The following MIA2 variants were observed in gnomAD, a reference collection of about 807,000 sequenced individuals.
The protein encoded by MIA2 is MIA SH3 domain ER export factor 2, also known as melanoma inhibitory activity protein 2.
In MIA2, 127 loss-of-function variants were observed where a neutral mutation model predicts 167.8. That is an observed-to-expected ratio of 0.76 (90% CI 0.66 to 0.88). The LOEUF (loss-of-function observed/expected upper bound fraction) is 0.88. Among genes scored for constraint, MIA2 ranks in the 40% least tolerant of loss-of-function variants. The pLI, the probability that MIA2 is intolerant of heterozygous loss-of-function variation, is 0.00. For missense variants in MIA2, 1,690 were observed against 1,624.7 expected, an observed-to-expected ratio of 1.04 and a Z score of -0.69; for synonymous variants, 552 against 541.9, an observed-to-expected ratio of 1.02 and a Z score of -0.26.
intron 24 of MIA2, among the ~76,000 whole-genome samples, chr14:39,323,203 T>C (rs1330539787): frequency 6.6e-6 from 1 of 152,166 alleles, no homozygotes; most frequent in Non-Finnish European, 1.5e-5. Context: ...TCCACCCTCA[T>C]TTTGCTTCAC....
Position 39,288,456 on chromosome 14 carries a change from TATATATATATATATATATA to T in MIA2, c.2131-2562_2131-2544del, listed in dbSNP as rs1566747612. On this transcript the variant is annotated intron_variant, in intron 9 of 28. Transcript: ENST00000640607. ...ACATATATATATATATATATATATA[TATATATATATATATATATA>T]TTTTTTTTTTTTTTTTTGAGACGGA... Among the ~76,000 whole-genome samples the T allele has an allele frequency of 5.0e-3, 71 of 14,274 alleles. 1 individual carries two copies. The highest frequency in any genetic ancestry group is 0.013 in the Middle Eastern group (1 of 76). 9.4% of individuals were successfully genotyped at this position (14,274 alleles called of 152,430 possible).
chr14:39,266,931 G>T, intron 6 of MIA2: 1 of 648,462 alleles, frequency 1.5e-6, no homozygotes, highest in Non-Finnish European at 1.9e-6. Flanking sequence ...TTGGGACATA[G>T]CCCTGGTCTT....
chr14:39,365,214 C>T (rs141464619), intron 23 of MIA2, among the ~76,000 whole-genome samples: 6,548 of 152,068 alleles, frequency 0.043, 187 homozygotes, highest in Non-Finnish European at 0.064. Flanking sequence ...TACAGGCATG[C>T]GCCACCAAGC....
intron 2 of MIA2, 104 bp downstream of exon 2, chr14:39,237,159 C>T (rs769518837): frequency 5.3e-5 from 68 of 1,286,688 alleles, no homozygotes; most frequent in Non-Finnish European, 6.7e-5. Flanking sequence ...CTGGCTCTGT[C>T]GCCCAGGCTG....
chr14:39,259,082 C>G (rs1230512136), intron 6 of MIA2, among the ~76,000 whole-genome samples: 2 of 152,264 alleles, frequency 1.3e-5, no homozygotes, highest in Non-Finnish European at 2.9e-5. Flanking sequence ...AGGAAGAAGT[C>G]TGCCCCTTAG....
At chr14:39,260,776 C>A (rs1370233401) in intron 6 of MIA2, among the ~76,000 whole-genome samples, 2 of 152,074 alleles carry the variant, frequency 1.3e-5, no homozygotes, top group Non-Finnish European at 1.5e-5. Flanking sequence ...TCATGAAGTC[C>A]TTGTCCATGC....
intron 6 of MIA2, 157 bp downstream of exon 6, chr14:39,253,328 A>C: frequency 1.0e-6 from 1 of 973,356 alleles, no homozygotes; most frequent in Non-Finnish European, 1.6e-6. Flanking sequence ...CTTTATATGA[A>C]TGTTTTGTCA....
chr14:39,285,249 C>G (rs901046243), intron 9 of MIA2, among the ~76,000 whole-genome samples: 1 of 152,122 alleles, frequency 6.6e-6, no homozygotes, highest in Non-Finnish European at 1.5e-5. Context: ...CTGGCCCGTT[C>G]TCAATGAGCT....
chr14:39,295,142 G>T (rs1014579637), intron 13 of MIA2, 113 bp downstream of exon 13: 10 of 740,370 alleles, frequency 1.4e-5, no homozygotes, highest in African/African-American at 8.9e-5. Flanking sequence ...TTGAGAGCAT[G>T]AGAGCAGGAC....
intron 9 of MIA2, among the ~76,000 whole-genome samples, chr14:39,281,220 C>T (rs1264349846): frequency 6.6e-6 from 1 of 152,064 alleles, no homozygotes; most frequent in African/African-American, 2.4e-5. Context: ...CCACCGTGCT[C>T]TACCTTTTAT....
At chr14:39,307,752 T>C (rs923203015) in intron 17 of MIA2, among the ~76,000 whole-genome samples, 4 of 152,046 alleles carry the variant, frequency 2.6e-5, no homozygotes, top group Admixed American at 6.6e-5. Context: ...ATGCACTCAA[T>C]GGAGCACTAT....
At chr14:39,327,622 C>T (rs947674021) in intron 25 of MIA2, among the ~76,000 whole-genome samples, 1 of 152,066 alleles carries the variant, frequency 6.6e-6, no homozygotes, top group East Asian at 1.9e-4. Flanking sequence ...TCCCCTGGCC[C>T]CCCACCCCCA....
At chr14:39,237,290 G>T in intron 2 of MIA2, 2 of 488,434 alleles carry the variant, frequency 4.1e-6, no homozygotes, top group African/African-American at 2.0e-5. Flanking sequence ...ACCACGCCCG[G>T]CTAATTTTTG....
intron 25 of MIA2, among the ~76,000 whole-genome samples, chr14:39,329,631 C>T (rs1262528813): frequency 1.4e-5 from 2 of 148,032 alleles, no homozygotes; most frequent in Non-Finnish European, 3.0e-5. Context: ...GAGATATGTT[C>T]CATCACTACC....
intron 23 of MIA2, among the ~76,000 whole-genome samples, chr14:39,368,680 CTTTTTTTTGTT>C (rs1256193191): frequency 9.7e-6 from 1 of 102,568 alleles, no homozygotes; most frequent in Non-Finnish European, 2.2e-5. Context: ...TTTTTCTTTT[CTTTTTTTTGTT>C]TTTTTTTTTG....
chr14:39,345,823 G>A (rs527358464), intron 25 of MIA2, 81 bp from the exon 26 acceptor site: 53 of 1,209,554 alleles, frequency 4.4e-5, no homozygotes, highest in Non-Finnish European at 5.7e-5. Flanking sequence ...CAGGTCAAAA[G>A]TGTAAGTTCA....
At position 39,314,836 on chromosome 14, in the gene MIA2, GTATA is replaced by G. The variant is rs57139462; in HGVS notation, c.3180+46_3180+49del. The G allele has an allele frequency of 4.6e-3, 4,564 of 996,274 alleles. 186 individuals carry two copies. Among genetic ancestry groups the G allele is most frequent in the Admixed American group, 6.7e-3 (254 of 38,142 alleles). The allele number at this position is 996,274 out of a possible 1,614,324, so 61.7% of individuals were successfully genotyped here. A position where few individuals can be genotyped will look rare whatever the true frequency, so the allele number is the denominator to read the frequency against. On this transcript the variant is annotated intron_variant, in intron 20 of 28. Coordinates refer to ENST00000640607, the MANE Select transcript of MIA2 (RefSeq NM_001329214.4). Reference sequence around the variant, plus strand: ...TGTGTGTGTGTGTGTGTGTGTGTGTGTATATATATATAATTTAAAACAATTCTGA... The same window carrying G: ...TGTGTGTGTGTGTGTGTGTGTGTGTGTATATATAATTTAAAACAATTCTGA...
At chr14:39,354,108 G>T (rs977195950), downstream of MIA2, among the ~76,000 whole-genome samples, 9 of 152,254 alleles carry the variant, frequency 5.9e-5, no homozygotes, top group African/African-American at 1.7e-4. Flanking sequence ...TCAAATGGTA[G>T]TTCTAGTTCT....
rs775359470 is a variant in MIA2 at position 39,253,133 on chromosome 14, A to T, written c.1849A>T (p.Asn617Tyr). Residue 617 changes from asparagine (N) to tyrosine (Y), a missense_variant, in exon 6 of 29, where the codon AAT becomes TAT. Coordinates refer to ENST00000640607, the MANE Select transcript of MIA2 (RefSeq NM_001329214.4). ...CCAAATTGATGTTTATGATTTCATG[A>T]ATTCTGCATTTTCACCAATTGTAAT... Reference protein sequence around the residue: ...LFQIDVYDFMNSAFSPIVILT... With the variant: ...LFQIDVYDFMYSAFSPIVILT... 1 of 1,608,644 alleles carries T rather than the reference A, an allele frequency of 6.2e-7. No individual in the cohort carries two copies.
Sources: allele counts gnomAD v4.1 joint callset (sites outside exome capture counted in the v4.1 genomes callset), GRCh38; gene constraint gnomAD v4.1.1; transcripts MANE v1.5; gene names NCBI Gene and HGNC (gene_info 2026-07-23, HGNC 2026-07-21).